GRK4: variants seen among roughly 807,000 people sequenced by gnomAD.
GRK4 encodes the protein G protein-coupled receptor kinase 4.
GRK4 carries 73 observed loss-of-function variants against 77.9 expected under a neutral mutation model. The ratio of observed to expected loss-of-function variants is 0.94; its 90% CI spans 0.78 to 1.14. The LOEUF is 1.14. Among genes scored for constraint, GRK4 ranks in the 50% most tolerant of loss-of-function variants. GRK4 has a pLI of 0.00. For missense variants in GRK4, 729 were observed against 700.2 expected, an observed-to-expected ratio of 1.04 and a Z score of -0.46; for synonymous variants, 257 against 254.4, an observed-to-expected ratio of 1.01 and a Z score of -0.10.
At chr4:2,967,821 G>A (rs1408327812) in intron 1 of GRK4, among the ~76,000 whole-genome samples, 1 of 151,152 alleles carries the variant, frequency 6.6e-6, no homozygotes, top group East Asian at 1.9e-4. Flanking sequence ...TTTTGCTCTT[G>A]TTGCCCAGGC....
rs1386907519 is a variant in GRK4, at chr4:3,015,631, C to T, written c.741+1803C>T. Among the ~76,000 whole-genome samples the T allele has an allele frequency of 5.2e-4, 77 of 149,464 alleles. 1 individual carries two copies. Among genetic ancestry groups the T allele is most frequent in the African/African-American group, 1.5e-3 (61 of 40,394 alleles). On this transcript the variant is annotated intron_variant, in intron 8 of 15. Coordinates refer to ENST00000398052, the MANE Select transcript of GRK4 (RefSeq NM_182982.3). ...CGGAGCTTGCAGTGAGCCAAGATCACGCCACTGCACTCCAGCCTGGGCAAC... is the reference window on the plus strand; with the variant it reads ...CGGAGCTTGCAGTGAGCCAAGATCATGCCACTGCACTCCAGCCTGGGCAAC...
At chr4:3,006,434 G>A (rs2109846365) in intron 5 of GRK4, among the ~76,000 whole-genome samples, 1 of 151,950 alleles carries the variant, frequency 6.6e-6, no homozygotes. Context: ...TATTCTTGTT[G>A]GATATTCACA....
intron 6 of GRK4, among the ~76,000 whole-genome samples, chr4:3,009,030 G>C (rs1732121008): frequency 6.6e-6 from 1 of 152,116 alleles, no homozygotes; most frequent in African/African-American, 2.4e-5. Flanking sequence ...CAGGAGTTAT[G>C]AACATACATA....
chr4:2,963,712 C>T lies in GRK4; in HGVS notation c.-359C>T. 5.1e-6 allele frequency: 2 copies of T among 392,380 alleles called. No homozygotes were observed. The highest frequency in any genetic ancestry group is 4.6e-6 in the Non-Finnish European group (1 of 219,724). 24.3% of individuals were successfully genotyped at this position (392,380 alleles called of 1,614,324 possible). A position where few individuals can be genotyped will look rare whatever the true frequency, so the allele number is the denominator to read the frequency against. The stretch of plus-strand genomic sequence containing the variant: ...TCCGAAGTGAGCCACGGCATTGACT[C>T]GGGGCTGCCCGGGGGCAGGGCACTG... On this transcript the variant is annotated 5_prime_UTR_variant, in exon 1 of 16. Coordinates refer to ENST00000398052, the MANE Select transcript of GRK4 (RefSeq NM_182982.3).
intron 5 of GRK4, among the ~76,000 whole-genome samples, chr4:3,007,441 C>A (rs147392752): frequency 6.6e-6 from 1 of 151,918 alleles, no homozygotes; most frequent in Admixed American, 6.6e-5. Flanking sequence ...GACCCTTCCA[C>A]TGTGTCTTGC....
chr4:2,975,171 C>G (rs188774099), intron 1 of GRK4, among the ~76,000 whole-genome samples: 1 of 152,032 alleles, frequency 6.6e-6, no homozygotes, highest in Non-Finnish European at 1.5e-5. Flanking sequence ...GGCGTGGTTG[C>G]GCGCACCTGT....
At chr4:3,020,462 G>A (rs1015991359) in intron 9 of GRK4, among the ~76,000 whole-genome samples, 1 of 152,168 alleles carries the variant, frequency 6.6e-6, no homozygotes, top group African/African-American at 2.4e-5. Flanking sequence ...ATTATGTCCT[G>A]CCATATAACA....
chr4:2,971,023 T>C (rs1365160770), intron 1 of GRK4: 1 of 152,144 alleles, frequency 6.6e-6, no homozygotes, highest in Non-Finnish European at 1.5e-5. Flanking sequence ...ATAGTTACCT[T>C]AAAGAAAAAT....
In GRK4 at chr4:3,037,423, T is replaced by C. The variant is rs1801058; in HGVS notation, c.1457T>C (p.Val486Ala). 0.6 allele frequency: 970,866 copies of C among 1,609,182 alleles called. 297,701 individuals carry two copies. Among genetic ancestry groups the C allele is most frequent in the African/African-American group, 0.86 (64,440 of 74,832 alleles). ...KDVLDIEQFS[V>A]VKGIYLDTAD... is the part of the protein sequence containing the mutation. ...GTCCTGGATATCGAGCAGTTCTCGG[T>C]GGTGAAAGGGATCTACCTGGACACC... Residue 486 changes from valine (V) to alanine (A), a missense_variant, in exon 14 of 16, where the codon GTG becomes GCG. By Grantham distance (64) the Val-to-Ala change is moderately conservative. Transcript: ENST00000398052.
intron 2 of GRK4, among the ~76,000 whole-genome samples, chr4:2,988,453 A>T (rs949150107): frequency 1.3e-5 from 2 of 151,816 alleles, no homozygotes; most frequent in Non-Finnish European, 2.9e-5. Context: ...TATGTTCTAG[A>T]TATTAGATGC....
intron 9 of GRK4, among the ~76,000 whole-genome samples, chr4:3,020,170 A>AT (rs199581125): frequency 0.017 from 2,540 of 152,022 alleles, 63 homozygotes; most frequent in African/African-American, 0.058. Context: ...TGCCCAGCTA[A>AT]TTTTTTGTAT....
At chr4:3,007,114 A>G (rs370082687) in intron 5 of GRK4, among the ~76,000 whole-genome samples, 4 of 152,148 alleles carry the variant, frequency 2.6e-5, no homozygotes, top group East Asian at 1.9e-4. Flanking sequence ...AGATGGGAGG[A>G]TTGCTTGAGG....
At chr4:3,032,839 G>A (rs908938107) in intron 12 of GRK4, among the ~76,000 whole-genome samples, 5 of 152,362 alleles carry the variant, frequency 3.3e-5, no homozygotes, top group Admixed American at 1.3e-4. Flanking sequence ...TGGGTTCTAT[G>A]GGTTAACGAC....
chr4:3,006,107 T>C (rs1372458029), intron 5 of GRK4, among the ~76,000 whole-genome samples: 1 of 151,904 alleles, frequency 6.6e-6, no homozygotes, highest in African/African-American at 2.4e-5. Flanking sequence ...AGGCCAGGCA[T>C]GGTGGCTCAC....
At chr4:3,007,012 G>A (rs140383213) in intron 5 of GRK4, among the ~76,000 whole-genome samples, 11 of 152,202 alleles carry the variant, frequency 7.2e-5, no homozygotes, top group African/African-American at 2.2e-4. Context: ...TCTTGTACAT[G>A]TGCACTAAGT....
chr4:2,976,825 T>G (rs3021139), intron 1 of GRK4, among the ~76,000 whole-genome samples: 55,939 of 151,814 alleles, frequency 0.37, 10,796 homozygotes, highest in African/African-American at 0.45. Flanking sequence ...TTTTAGTAGA[T>G]ACAGGGTTCC....
At position 3,035,369 on chromosome 4, in the gene GRK4, A is replaced by T; in HGVS notation, c.1270-17A>T. The T allele has an allele frequency of 6.2e-7, 1 of 1,613,684 alleles. No individual in the cohort carries two copies. The highest frequency in any genetic ancestry group is 1.1e-5 in the South Asian group (1 of 91,054). On this transcript the variant is annotated splice_polypyrimidine_tract_variant and intron_variant, in intron 12 of 15. Coordinates refer to ENST00000398052, the MANE Select transcript of GRK4 (RefSeq NM_182982.3). ...TTATCCAGAGGCTCAAGTGGGTTGCATTTCTGCCTCTTGCAGTTACTCACC... is the reference window on the plus strand; with the variant it reads ...TTATCCAGAGGCTCAAGTGGGTTGCTTTTCTGCCTCTTGCAGTTACTCACC...
At chr4:3,018,074 CT>C (rs1259774426) in intron 8 of GRK4, among the ~76,000 whole-genome samples, 3,047 of 131,582 alleles carry the variant, frequency 0.023, 86 homozygotes, top group African/African-American at 0.075. Flanking sequence ...TTTTCTTTTT[CT>C]TTTTTTTTTT....
At chr4:3,033,912 A>C (rs1452843765) in intron 12 of GRK4, among the ~76,000 whole-genome samples, 1 of 152,190 alleles carries the variant, frequency 6.6e-6, no homozygotes, top group South Asian at 2.1e-4. Context: ...TTAACAAAGC[A>C]TGCAAAGAAT....
Sources: allele counts gnomAD v4.1 joint callset (sites outside exome capture counted in the v4.1 genomes callset), GRCh38; gene constraint gnomAD v4.1.1; transcripts MANE v1.5; gene names NCBI Gene and HGNC (gene_info 2026-07-23, HGNC 2026-07-21).